ACSF3: variants seen among roughly 807,000 people sequenced by gnomAD.
The protein encoded by ACSF3 is acyl-CoA synthetase family member 3, also known as malonate--CoA ligase ACSF3, mitochondrial.
A neutral mutation model predicts 53.2 loss-of-function variants in ACSF3; 78 were observed. The observed-to-expected ratio is 1.47, with a 90% CI of 1.22 to 1.77. ACSF3 has a LOEUF of 1.77. Among genes scored for constraint, ACSF3 ranks in the 40% most tolerant of loss-of-function variants. The pLI, the probability that ACSF3 is intolerant of heterozygous loss-of-function variation, is 0.00. For missense variants in ACSF3, 937 were observed against 771.1 expected (o/e 1.22, Z -2.55); for synonymous variants, 414 against 333.1 (o/e 1.24, Z -2.65).
chr16:89,113,159 G>A (rs7204124), intron 5 of ACSF3: 40,280 of 152,122 alleles, frequency 0.26, 6,858 homozygotes, highest in Middle Eastern at 0.46. Flanking sequence ...TCGTGGGTGG[G>A]GTATTTTTTC....
chr16:89,127,492 G>C (rs1322413748), intron 7 of ACSF3, among the ~76,000 whole-genome samples: 2 of 152,118 alleles, frequency 1.3e-5, no homozygotes, highest in African/African-American at 4.8e-5. Context: ...CTCCCAAGTA[G>C]CTGGGACCAC....
chr16:89,123,126 G>C (rs1192652554), intron 7 of ACSF3, among the ~76,000 whole-genome samples: 1 of 152,198 alleles, frequency 6.6e-6, no homozygotes, highest in South Asian at 2.1e-4. Context: ...AGGAGTCGGT[G>C]CAGCAGGTGG....
chr16:89,112,673 CATCT>C (rs1022818337), intron 5 of ACSF3, among the ~76,000 whole-genome samples: 6 of 152,114 alleles, frequency 3.9e-5, no homozygotes, highest in Admixed American at 6.5e-5. Context: ...CCTGTCTCTC[CATCT>C]GTCTCTATCT....
At chr16:89,112,492 T>C (rs757078478) in intron 5 of ACSF3, among the ~76,000 whole-genome samples, 1 of 152,124 alleles carries the variant, frequency 6.6e-6, no homozygotes, top group Non-Finnish European at 1.5e-5. Context: ...TATCGCTCTC[T>C]CTGTCACACT....
rs1212325836 is a variant in ACSF3, at chr16:89,155,514, C to A, written c.*1307C>A. The A allele has an allele frequency of 2.2e-6, 1 of 454,002 alleles. No individual in the cohort carries two copies. The highest frequency in any genetic ancestry group is 2.0e-5 in the African/African-American group (1 of 50,000). The allele number at this position is 454,002 out of a possible 1,614,324, so 28.1% of individuals were successfully genotyped here. A position where few individuals can be genotyped will look rare whatever the true frequency, so the allele number is the denominator to read the frequency against. On this transcript the variant is annotated 3_prime_UTR_variant, in exon 11 of 11. Coordinates refer to ENST00000614302, the MANE Select transcript of ACSF3 (RefSeq NM_001243279.3). ...CTGTTTTCCAGGACTGGTGGGTGCC[C>A]CAGTCCACGGCCCTGCCCCACCCGA... is the stretch of plus-strand genomic sequence containing the variant.
intron 4 of ACSF3, among the ~76,000 whole-genome samples, chr16:89,108,568 A>G (rs1030144995): frequency 6.6e-6 from 1 of 152,204 alleles, no homozygotes; most frequent in Non-Finnish European, 1.5e-5. Context: ...AGCCCCTGGC[A>G]ACCACGAATC....
In ACSF3 at chr16:89,156,178, T is replaced by C. The variant is rs1914677557; in HGVS notation, c.*1971T>C. On this transcript the variant is annotated 3_prime_UTR_variant, in exon 11 of 11. Transcript: ENST00000614302. ...GCTCCACCAGCCGAGAACAAGCCCG[T>C]CCTGGAGGGAACTCATCCTCTCCTC... Among the ~76,000 whole-genome samples, 1 of 152,010 alleles carries C rather than the reference T, an allele frequency of 6.6e-6. No homozygotes were observed. The highest frequency in any genetic ancestry group is 1.5e-5 in the Non-Finnish European group (1 of 67,980).
chr16:89,112,117 A>G lies in ACSF3; in HGVS notation c.848A>G (p.Glu283Gly). The change falls in exon 5 of 11, where the codon GAA (glutamate) becomes GGA (glycine). Residue 283 changes from glutamate (E) to glycine (G), a missense_variant. By Grantham distance (98) the Glu-to-Gly change is moderately conservative. Coordinates refer to ENST00000614302, the MANE Select transcript of ACSF3 (RefSeq NM_001243279.3). ...GTTTGGGAAAAGTTCTTAAGTTCTG[A>G]AACGCCGCGGATCAATGTCTTTATG... is the stretch of plus-strand genomic sequence containing the variant. Reference protein sequence around the residue: ...QQVWEKFLSSETPRINVFMAV... With the variant: ...QQVWEKFLSSGTPRINVFMAV... The G allele has an allele frequency of 9.1e-7, 1 of 1,101,482 alleles. No individual in the cohort carries two copies. The highest frequency in any genetic ancestry group is 1.8e-5 in the South Asian group (1 of 56,180). 68.2% of individuals were successfully genotyped at this position (1,101,482 alleles called of 1,614,324 possible). A position where few individuals can be genotyped will look rare whatever the true frequency, so the allele number is the denominator to read the frequency against.
rs748810123 is a variant in ACSF3, at chr16:89,140,997, G to A, written c.1367-4270G>A. 3.7e-5 allele frequency: 43 copies of A among 1,172,648 alleles called. 1 individual carries two copies. In the South Asian group the frequency reaches 6.2e-4, roughly 17 times the overall value. 72.6% of individuals were successfully genotyped at this position (1,172,648 alleles called of 1,614,324 possible). ...GGCAGCCGACTCCGATTCCAGAATC[G>A]ATGCATTTTGATAAATAGGTTGTTA... On this transcript the variant is annotated intron_variant, in intron 8 of 10. Transcript: ENST00000614302.
intron 1 of ACSF3, among the ~76,000 whole-genome samples, chr16:89,096,314 G>A (rs1974610562): frequency 6.6e-6 from 1 of 152,180 alleles, no homozygotes; most frequent in African/African-American, 2.4e-5. Context: ...GGTGGTGATG[G>A]GGAGCCCCAC....
At chr16:89,116,238 AGTCC>A (rs1905092987) in intron 6 of ACSF3, among the ~76,000 whole-genome samples, 1 of 152,202 alleles carries the variant, frequency 6.6e-6, no homozygotes, top group African/African-American at 2.4e-5. Context: ...CTTTGTTGAA[AGTCC>A]GTCGACTCCT....
At chr16:89,117,403 C>T (rs1905316453) in intron 6 of ACSF3, among the ~76,000 whole-genome samples, 2 of 152,168 alleles carry the variant, frequency 1.3e-5, no homozygotes, top group Admixed American at 1.3e-4. Flanking sequence ...TGGACAGTGC[C>T]CCCCTAGCCT....
chr16:89,101,433 G>A (rs892086775), intron 3 of ACSF3, 86 bp downstream of exon 3: 13 of 1,543,694 alleles, frequency 8.4e-6, no homozygotes, highest in East Asian at 2.4e-5. Flanking sequence ...CTTTTCATTC[G>A]CTTTTCTGTG....
At chr16:89,130,200 T>C (rs1879081960) in intron 7 of ACSF3, among the ~76,000 whole-genome samples, 1 of 152,250 alleles carries the variant, frequency 6.6e-6, no homozygotes, top group South Asian at 2.1e-4. Flanking sequence ...TAAGAATGTC[T>C]TTATCTTCCT....
intron 8 of ACSF3, chr16:89,141,333 T>C (rs1400972174): frequency 7.9e-7 from 1 of 1,268,952 alleles, no homozygotes; most frequent in East Asian, 5.6e-5. Flanking sequence ...CCCTCGGAGC[T>C]GAGACTGCTC....
rs1010105244 is a variant in ACSF3, at chr16:89,098,636, C to T, written c.-148C>T. On this transcript the variant is annotated 5_prime_UTR_variant, in exon 2 of 11. Transcript: ENST00000614302. ...GTTCCAGCGCCAGGCCTGGTGCCTG[C>T]CCCAGGAGGATGAGCATTTGCATTG... is the stretch of plus-strand genomic sequence containing the variant. The T allele has an allele frequency of 2.2e-6, 1 of 454,110 alleles. No homozygotes were observed. The highest frequency in any genetic ancestry group is 2.3e-5 in the Admixed American group (1 of 42,582). The allele number at this position is 454,110 out of a possible 1,614,324, so 28.1% of individuals were successfully genotyped here. A position where few individuals can be genotyped will look rare whatever the true frequency, so the allele number is the denominator to read the frequency against.
At chr16:89,133,367 C>T (rs1598041647) in intron 8 of ACSF3, 105 bp downstream of exon 8, 4 of 1,497,390 alleles carry the variant, frequency 2.7e-6, no homozygotes, top group East Asian at 4.7e-5. Flanking sequence ...CCAGAATTTT[C>T]AGCCAAAGGC....
intron 8 of ACSF3, chr16:89,136,425 A>G (rs1438261339): frequency 1.0e-6 from 1 of 985,848 alleles, no homozygotes. Context: ...TCTTTGTCAC[A>G]GGCCATTAGC....
intron 8 of ACSF3, among the ~76,000 whole-genome samples, chr16:89,135,245 G>C (rs539349266): frequency 6.6e-6 from 1 of 152,384 alleles, no homozygotes; most frequent in East Asian, 1.9e-4. Context: ...AGCAGAGCGG[G>C]GGGCTGCAGC....
Sources: allele counts gnomAD v4.1 joint callset (sites outside exome capture counted in the v4.1 genomes callset), GRCh38; gene constraint gnomAD v4.1.1; transcripts MANE v1.5; gene names NCBI Gene and HGNC (gene_info 2026-07-23, HGNC 2026-07-21).